RCAN1: variants seen among roughly 807,000 people sequenced by gnomAD.
The protein encoded by RCAN1 is calcipressin-1.
RCAN1 carries 11 observed loss-of-function variants against 22.9 expected under a neutral mutation model. That is an observed-to-expected ratio of 0.48 (90% CI 0.30 to 0.79). RCAN1 has a LOEUF of 0.79. RCAN1 is among the 30% of genes least tolerant of loss of function. The probability of loss-of-function intolerance (pLI) is 0.06; values close to 1 mark genes in which losing one functional copy is unlikely to be tolerated. For missense variants in RCAN1, 291 were observed against 337.8 expected (o/e 0.86, Z 1.09); for synonymous variants, 136 against 142.3 (o/e 0.96, Z 0.32).
intron 1 of RCAN1, among the ~76,000 whole-genome samples, chr21:34,607,450 C>A (rs1050371163): frequency 2.0e-5 from 3 of 151,584 alleles, no homozygotes; most frequent in Admixed American, 2.0e-4. Context: ...AGTGCAGTGG[C>A]GCAATCTCAG....
At chr21:34,548,553 C>T (rs959058174) in intron 1 of RCAN1, among the ~76,000 whole-genome samples, 3 of 151,940 alleles carry the variant, frequency 2.0e-5, no homozygotes, top group East Asian at 1.9e-4. Flanking sequence ...TCTGCAATGT[C>T]GAAACTTTTG....
chr21:34,527,094 C>T, intron 1 of RCAN1: 1 of 479,982 alleles, frequency 2.1e-6, no homozygotes, highest in South Asian at 4.2e-5. Flanking sequence ...CTTTATCAAC[C>T]TCTCTTGCAG....
intron 1 of RCAN1, among the ~76,000 whole-genome samples, chr21:34,589,778 C>T (rs529438163): frequency 1.3e-5 from 2 of 152,230 alleles, no homozygotes; most frequent in Admixed American, 6.5e-5. Flanking sequence ...CTTCTCCCAC[C>T]CTCGGGCTGG....
chr21:34,588,873 T>C (rs1327481048), intron 1 of RCAN1, among the ~76,000 whole-genome samples: 3 of 152,198 alleles, frequency 2.0e-5, no homozygotes, highest in African/African-American at 7.2e-5. Context: ...TTTTGAAACA[T>C]GTACAATATA....
intron 3 of RCAN1, among the ~76,000 whole-genome samples, chr21:34,519,176 C>A (rs946295492): frequency 6.6e-6 from 1 of 152,096 alleles, no homozygotes; most frequent in Non-Finnish European, 1.5e-5. Flanking sequence ...AATGAGAACC[C>A]GGCTCACCAC....
chr21:34,575,924 T>C (rs1240411638), intron 1 of RCAN1, among the ~76,000 whole-genome samples: 1 of 152,024 alleles, frequency 6.6e-6, no homozygotes, highest in Non-Finnish European at 1.5e-5. Context: ...CTCAAAGAAT[T>C]TGGACAGGCC....
At chr21:34,566,689 A>C (rs1987020389) in intron 1 of RCAN1, among the ~76,000 whole-genome samples, 1 of 152,290 alleles carries the variant, frequency 6.6e-6, no homozygotes, top group Admixed American at 6.5e-5. Flanking sequence ...GTAATGTATA[A>C]AGAAAAGAGG....
At chr21:34,536,916 A>G (rs1034461040) in intron 1 of RCAN1, among the ~76,000 whole-genome samples, 21 of 152,142 alleles carry the variant, frequency 1.4e-4, no homozygotes, top group African/African-American at 5.1e-4. Flanking sequence ...GCTGGGAGAA[A>G]AGTGAGTTAT....
In RCAN1 at chr21:34,519,397, CTTT is replaced by C. The variant is rs34152667; in HGVS notation, c.587-1144_587-1142del. Reference sequence around the variant, plus strand: ...CTTTTTTCTTTTTCTTTCTTTCTTTCTTTTTTTTTTTTTTTTTTTTGAGACAGA... The same window carrying C: ...CTTTTTTCTTTTTCTTTCTTTCTTTCTTTTTTTTTTTTTTTTTGAGACAGA... On this transcript the variant is annotated intron_variant, in intron 3 of 3. Coordinates refer to ENST00000313806, the MANE Select transcript of RCAN1 (RefSeq NM_004414.7). 1.8e-4 allele frequency among the ~76,000 whole-genome samples: 18 copies of C among 102,770 alleles called. No homozygotes were observed. In the East Asian group the frequency reaches 3.3e-3, roughly 19 times the overall value. 67.4% of individuals were successfully genotyped at this position (102,770 alleles called of 152,430 possible).
intron 1 of RCAN1, among the ~76,000 whole-genome samples, chr21:34,558,290 CAAAG>C (rs1454507821): frequency 6.6e-6 from 1 of 152,142 alleles, no homozygotes; most frequent in Non-Finnish European, 1.5e-5. Context: ...AACACTCTGA[CAAAG>C]AACTCCATGA....
chr21:34,544,864 A>G lies in RCAN1; in HGVS notation c.253-21154T>C, dbSNP rs562286209. On this transcript the variant is annotated intron_variant, in intron 1 of 3. Transcript: ENST00000313806. Reference sequence around the variant, plus strand: ...CAGCAGTGCGAGGGACGCACGTGGAAGAGGGGTAGTGAGGGCACCTTGTGG... The same window carrying G: ...CAGCAGTGCGAGGGACGCACGTGGAGGAGGGGTAGTGAGGGCACCTTGTGG... Among the ~76,000 whole-genome samples, 10 of 152,304 alleles carry G rather than the reference A, an allele frequency of 6.6e-5. No homozygotes were observed. In the South Asian group the frequency reaches 2.1e-3, roughly 32 times the overall value.
intron 1 of RCAN1, among the ~76,000 whole-genome samples, chr21:34,548,599 A>T (rs1356083768): frequency 1.3e-5 from 2 of 152,364 alleles, no homozygotes; most frequent in African/African-American, 4.8e-5. Context: ...TCACTGAGGT[A>T]TACCTTACAT....
Position 34,593,479 on chromosome 21 carries a change from A to G in RCAN1, c.252+21281T>C, listed in dbSNP as rs146697315. Among the ~76,000 whole-genome samples the G allele has an allele frequency of 7.6e-3, 1,151 of 152,334 alleles. 17 individuals are homozygous for G. The highest frequency in any genetic ancestry group is 0.025 in the African/African-American group (1,058 of 41,566). ...ACACAGGCAGAAGTGCCACCCTTTCACAACATTATGAAACGATGCCAAATA... is the reference window on the plus strand; with the variant it reads ...ACACAGGCAGAAGTGCCACCCTTTCGCAACATTATGAAACGATGCCAAATA... On this transcript the variant is annotated intron_variant, in intron 1 of 3. Transcript: ENST00000313806.
intron 1 of RCAN1, chr21:34,559,933 C>G (rs750848951): frequency 6.6e-6 from 1 of 152,140 alleles, no homozygotes; most frequent in African/African-American, 2.4e-5. Flanking sequence ...GAAAAAGGCA[C>G]GGTTCAGGTA....
intron 1 of RCAN1, among the ~76,000 whole-genome samples, chr21:34,596,555 C>T (rs1182122836): frequency 6.6e-6 from 1 of 152,212 alleles, no homozygotes; most frequent in Non-Finnish European, 1.5e-5. Flanking sequence ...TCTCCACTCC[C>T]TGACCACGGC....
chr21:34,542,893 A>G (rs1985979058), intron 1 of RCAN1, among the ~76,000 whole-genome samples: 1 of 152,184 alleles, frequency 6.6e-6, no homozygotes, highest in South Asian at 2.1e-4. Context: ...GGTGTACAAC[A>G]GAGTTGTAGA....
chr21:34,533,803 C>T (rs771810376), intron 1 of RCAN1, among the ~76,000 whole-genome samples: 1 of 152,150 alleles, frequency 6.6e-6, no homozygotes, highest in African/African-American at 2.4e-5. Flanking sequence ...AGGGGACATG[C>T]GAGTGCATGA....
chr21:34,536,176 A>G (rs1985662842), intron 1 of RCAN1, among the ~76,000 whole-genome samples: 2 of 152,358 alleles, frequency 1.3e-5, no homozygotes, highest in South Asian at 4.1e-4. Flanking sequence ...CCACAGGCAA[A>G]TCAAAACTCT....
intron 1 of RCAN1, among the ~76,000 whole-genome samples, chr21:34,573,458 A>C (rs1987303169): frequency 6.6e-6 from 1 of 152,228 alleles, no homozygotes; most frequent in Admixed American, 6.5e-5. Flanking sequence ...CATAGGTTCC[A>C]ATAATCGAAC....
Sources: allele counts gnomAD v4.1 joint callset (sites outside exome capture counted in the v4.1 genomes callset), GRCh38; gene constraint gnomAD v4.1.1; transcripts MANE v1.5; gene names NCBI Gene and HGNC (gene_info 2026-07-23, HGNC 2026-07-21).